The following ANKFN1 variants were observed in gnomAD, a reference collection of about 807,000 sequenced individuals.
ANKFN1 encodes ankyrin repeat and fibronectin type III domain containing 1.
Under a neutral mutation model 108.7 loss-of-function variants are expected in ANKFN1, and 74 were observed. That is an observed-to-expected ratio of 0.68 (90% CI 0.56 to 0.83). ANKFN1 has a LOEUF of 0.83. ANKFN1 is among the 40% of genes least tolerant of loss of function. ANKFN1 has a pLI of 0.00. For missense variants in ANKFN1, 1,505 were observed against 1,382.3 expected, an observed-to-expected ratio of 1.09 and a Z score of -1.41; for synonymous variants, 547 against 516.2, an observed-to-expected ratio of 1.06 and a Z score of -0.81.
At chr17:56,262,603 T>C (rs183627402) in intron 3 of ANKFN1, among the ~76,000 whole-genome samples, 1 of 152,320 alleles carries the variant, frequency 6.6e-6, no homozygotes, top group Admixed American at 6.5e-5. Context: ...GCAGTTTCTT[T>C]TGTAGCATTT....
chr17:56,487,404 G>C (rs905142925), intron 18 of ANKFN1, among the ~76,000 whole-genome samples: 2 of 152,094 alleles, frequency 1.3e-5, no homozygotes, highest in African/African-American at 4.8e-5. Context: ...AGCCTGCACA[G>C]AGGAGGTCAC....
chr17:56,186,830 G>A (rs967638769), intron 1 of ANKFN1, among the ~76,000 whole-genome samples: 10 of 152,266 alleles, frequency 6.6e-5, no homozygotes, highest in South Asian at 2.1e-4. Context: ...AACAAGAAAC[G>A]GGGAAAGGAT....
At chr17:56,456,427 G>T (rs1242328409) in intron 11 of ANKFN1, among the ~76,000 whole-genome samples, 1 of 114,004 alleles carries the variant, frequency 8.8e-6, no homozygotes, top group African/African-American at 3.4e-5. Flanking sequence ...TTTTTGATAC[G>T]GATTCTCGCT....
At chr17:56,365,211 G>C (rs1159417040) in intron 6 of ANKFN1, among the ~76,000 whole-genome samples, 2 of 152,130 alleles carry the variant, frequency 1.3e-5, no homozygotes, top group African/African-American at 4.8e-5. Flanking sequence ...TTTCTGCCTT[G>C]AAATAGCAGA....
At chr17:56,388,780 T>G (rs895329901) in intron 8 of ANKFN1, among the ~76,000 whole-genome samples, 8 of 152,196 alleles carry the variant, frequency 5.3e-5, no homozygotes, top group African/African-American at 1.9e-4. Context: ...CTCAGCGTAT[T>G]CTCTACTCCT....
At chr17:56,344,269 AT>A (rs934625047) in intron 4 of ANKFN1, among the ~76,000 whole-genome samples, 1 of 152,014 alleles carries the variant, frequency 6.6e-6, no homozygotes, top group Admixed American at 6.6e-5. Context: ...TAAAATCTAT[AT>A]TTTTTTGTTA....
intron 14 of ANKFN1, among the ~76,000 whole-genome samples, chr17:56,459,475 T>C (rs1399487193): frequency 1.3e-5 from 2 of 152,214 alleles, no homozygotes; most frequent in East Asian, 3.9e-4. Context: ...GAGCGGGCCA[T>C]GATGACTGTG....
At chr17:56,088,261 A>G (rs1261933256) in intron 4 of ANKFN1, among the ~76,000 whole-genome samples, 1 of 151,312 alleles carries the variant, frequency 6.6e-6, no homozygotes, top group Non-Finnish European at 1.5e-5. Context: ...TGCAAGATAC[A>G]TCCCATCTCC....
chr17:56,159,428 G>T (rs1452180981), intron 1 of ANKFN1, among the ~76,000 whole-genome samples: 2 of 152,200 alleles, frequency 1.3e-5, no homozygotes, highest in Non-Finnish European at 2.9e-5. Flanking sequence ...AGCCTGAGCA[G>T]ATAGTACTTC....
At chr17:56,187,898 C>T (rs1423466681) in intron 1 of ANKFN1, among the ~76,000 whole-genome samples, 2 of 147,630 alleles carry the variant, frequency 1.4e-5, no homozygotes, top group East Asian at 4.0e-4. Context: ...CACTTGGACA[C>T]AGGTTGGGGA....
chr17:56,508,452 C>G (rs2051641042), intron 20 of ANKFN1, among the ~76,000 whole-genome samples: 1 of 152,146 alleles, frequency 6.6e-6, no homozygotes, highest in Non-Finnish European at 1.5e-5. Flanking sequence ...ACCCTTCCTC[C>G]AGCCCCCCAC....
chr17:56,477,752 C>A, intron 16 of ANKFN1, 98 bp downstream of exon 16: 1 of 1,382,092 alleles, frequency 7.2e-7, no homozygotes, highest in African/African-American at 1.5e-5. Flanking sequence ...ACTTCCAGGG[C>A]AGTTTTTATG....
At chr17:56,107,157 A>T (rs1222635848) in intron 4 of ANKFN1, among the ~76,000 whole-genome samples, 1 of 152,246 alleles carries the variant, frequency 6.6e-6, no homozygotes, top group African/African-American at 2.4e-5. Flanking sequence ...GGGGGCAGCT[A>T]AGTTGCTGAA....
intron 4 of ANKFN1, among the ~76,000 whole-genome samples, chr17:56,056,675 C>G (rs985064766): frequency 1.3e-5 from 2 of 152,116 alleles, no homozygotes; most frequent in African/African-American, 4.8e-5. Context: ...ATAATTAACT[C>G]AAGATGAATT....
chr17:56,404,661 A>G (rs1331602392), intron 8 of ANKFN1, among the ~76,000 whole-genome samples: 2 of 152,212 alleles, frequency 1.3e-5, no homozygotes, highest in Admixed American at 1.3e-4. Context: ...TTTTTCAGGT[A>G]AATCAGGGAT....
At chr17:56,273,347 G>T (rs2043840026) in intron 3 of ANKFN1, among the ~76,000 whole-genome samples, 1 of 151,894 alleles carries the variant, frequency 6.6e-6, no homozygotes, top group African/African-American at 2.4e-5. Context: ...GCCATTCTTT[G>T]TTTGACACTT....
chr17:56,122,443 T>G lies in ANKFN1; in HGVS notation c.288+76118T>G, dbSNP rs372905806. Among the ~76,000 whole-genome samples, 143 of 152,342 alleles carry G rather than the reference T, an allele frequency of 9.4e-4. 7 individuals carry two copies. The Middle Eastern group carries it at 0.014, about 14-fold the overall frequency. On this transcript the variant is annotated intron_variant, in intron 4 of 12. Transcript: ENST00000635860. Reference sequence around the variant, plus strand: ...TGTATATTTGTCTTGCTCTCTCAGCTGCAGTTTACTTCTTCTACTCCCTAT... The same window carrying G: ...TGTATATTTGTCTTGCTCTCTCAGCGGCAGTTTACTTCTTCTACTCCCTAT...
At chr17:56,293,534 C>T (rs1248508848) in intron 3 of ANKFN1, among the ~76,000 whole-genome samples, 2 of 152,190 alleles carry the variant, frequency 1.3e-5, no homozygotes, top group African/African-American at 4.8e-5. Context: ...TATTAGAAGG[C>T]AGATCCCAGA....
chr17:56,261,639 C>A (rs2043513972), intron 3 of ANKFN1, among the ~76,000 whole-genome samples: 1 of 152,182 alleles, frequency 6.6e-6, no homozygotes, highest in East Asian at 1.9e-4. Flanking sequence ...ACTTGGAGTC[C>A]CATGTTCAAG....
Sources: gnomAD v4.1 joint callset for allele counts (sites outside exome capture counted in the v4.1 genomes callset) on GRCh38, gnomAD v4.1.1 for gene constraint, MANE v1.5 for transcripts, NCBI Gene and HGNC (gene_info 2026-07-23, HGNC 2026-07-21) for gene names.